The following ACADM variants were observed in gnomAD, a reference collection of about 807,000 sequenced individuals.
The protein encoded by ACADM is acyl-CoA dehydrogenase medium chain.
In ACADM, 49 loss-of-function variants were observed where a neutral mutation model predicts 58.9. The observed-to-expected ratio is 0.83, with a 90% CI of 0.66 to 1.06. ACADM has a LOEUF of 1.06. Among genes scored for constraint, ACADM ranks in the 50% least tolerant of loss-of-function variants. ACADM has a pLI of 0.00. For missense variants in ACADM, 496 were observed against 507.0 expected (o/e 0.98, Z 0.21); for synonymous variants, 160 against 157.7 (o/e 1.01, Z -0.11).
At chr1:75,744,602 A>G in intron 7 of ACADM, 2 of 1,231,970 alleles carry the variant, frequency 1.6e-6, no homozygotes, top group Non-Finnish European at 2.4e-6. Context: ...GTTCTGAAGA[A>G]GCGAACACTG....
chr1:75,730,628 C>G (rs1250878), intron 2 of ACADM, among the ~76,000 whole-genome samples: 140,834 of 151,500 alleles, frequency 0.93, 65,706 homozygotes, highest in African/African-American at 0.98. Flanking sequence ...TGGATTCTCT[C>G]GCCTCAGCTT....
chr1:75,727,472 T>A (rs1570850036), intron 1 of ACADM, among the ~76,000 whole-genome samples: 1 of 152,200 alleles, frequency 6.6e-6, no homozygotes, highest in South Asian at 2.1e-4. Context: ...CCTGAAACCT[T>A]TACTCAAGAA....
intron 1 of ACADM, among the ~76,000 whole-genome samples, chr1:75,727,064 A>G (rs1006005617): frequency 6.6e-6 from 1 of 151,996 alleles, no homozygotes; most frequent in African/African-American, 2.4e-5. Flanking sequence ...CAGCCTCCCA[A>G]AGTGCTGGGA....
intron 11 of ACADM, 133 bp downstream of exon 11, chr1:75,761,503 G>GT (rs1017330504): frequency 7.4e-6 from 7 of 939,788 alleles, no homozygotes; most frequent in Non-Finnish European, 1.2e-5. Flanking sequence ...CTGTGAGCCA[G>GT]TTTTTGGAAT....
intron 10 of ACADM, among the ~76,000 whole-genome samples, chr1:75,756,104 TATC>T (rs1256420200): frequency 1.4e-4 from 22 of 152,242 alleles, no homozygotes; most frequent in Non-Finnish European, 2.9e-4. Context: ...CCACAGCCAA[TATC>T]ATACTGAATG....
intron 7 of ACADM, chr1:75,743,851 A>G: frequency 7.1e-7 from 1 of 1,408,838 alleles, no homozygotes; most frequent in Non-Finnish European, 1.0e-6. Context: ...CCTATATACC[A>G]CCTCTTTGGT....
At chr1:75,745,409 T>A (rs1162177048) in intron 7 of ACADM, 5 of 185,666 alleles carry the variant, frequency 2.7e-5, no homozygotes, top group Admixed American at 1.6e-4. Flanking sequence ...TGGCTTGAGC[T>A]GGGGAAGTCG....
chr1:75,761,249 A>T lies in ACADM; in HGVS notation c.1073A>T (p.Lys358Met), dbSNP rs988752772. ...AATACCTATTATGCTTCTATTGCAAAGGCATTTGCTGGAGATATTGCAAAT... is the reference window on the plus strand; with the variant it reads ...AATACCTATTATGCTTCTATTGCAATGGCATTTGCTGGAGATATTGCAAAT... Reference protein sequence around the residue: ...RRNTYYASIAKAFAGDIANQL... With the variant: ...RRNTYYASIAMAFAGDIANQL... Residue 358 changes from lysine to methionine, a missense_variant, in exon 11 of 12, where the codon AAG becomes ATG. Physicochemically the swap from Lys to Met is moderately conservative, Grantham distance 95. Transcript: ENST00000370841. 5.6e-6 allele frequency: 9 copies of T among 1,614,086 alleles called. No homozygotes were observed. The highest frequency in any genetic ancestry group is 7.6e-6 in the Non-Finnish European group (9 of 1,180,034).
chr1:75,753,370 A>G (rs558394971), intron 10 of ACADM, among the ~76,000 whole-genome samples: 13 of 149,040 alleles, frequency 8.7e-5, no homozygotes, highest in Non-Finnish European at 1.6e-4. Context: ...CAGGATTTAA[A>G]TTCCTTTTTA....
rs535161119 is a variant in ACADM, at chr1:75,736,257, C to CA, written c.468+1389dup. ...TAAGGATTTTTACTTCTTGTTTACT[C>CA]AAACATATTTCAATCTAAGGTGTGG... On this transcript the variant is annotated intron_variant, in intron 6 of 11. Coordinates refer to ENST00000370841, the MANE Select transcript of ACADM (RefSeq NM_000016.6). Among the ~76,000 whole-genome samples the CA allele has an allele frequency of 7.3e-5, 11 of 151,624 alleles. No individual in the cohort carries two copies. In the East Asian group the frequency reaches 2.1e-3, roughly 29 times the overall value.
At chr1:75,746,567 AAAG>A (rs1341268807) in intron 8 of ACADM, among the ~76,000 whole-genome samples, 1 of 151,884 alleles carries the variant, frequency 6.6e-6, no homozygotes, top group African/African-American at 2.4e-5. Flanking sequence ...TAAATTTTAT[AAAG>A]AAGGAAAGAA....
intron 7 of ACADM, among the ~76,000 whole-genome samples, chr1:75,742,017 TA>T (rs1647596003): frequency 6.6e-6 from 1 of 152,232 alleles, no homozygotes; most frequent in Non-Finnish European, 1.5e-5. Context: ...TTTATTTATT[TA>T]TTTTTTTGAG....
intron 1 of ACADM, among the ~76,000 whole-genome samples, chr1:75,725,094 A>C (rs1647029020): frequency 1.3e-5 from 2 of 152,036 alleles, no homozygotes; most frequent in Admixed American, 1.3e-4. Context: ...AAACCCTCCA[A>C]ATATTTACCG....
At chr1:75,757,760 G>A (rs935698650) in intron 10 of ACADM, among the ~76,000 whole-genome samples, 62 of 152,150 alleles carry the variant, frequency 4.1e-4, no homozygotes, top group African/African-American at 1.1e-3. Flanking sequence ...TATGACCAAA[G>A]ATGTAGGAGG....
intron 7 of ACADM, among the ~76,000 whole-genome samples, chr1:75,742,491 C>A (rs1647634481): frequency 6.6e-6 from 1 of 152,204 alleles, no homozygotes; most frequent in South Asian, 2.1e-4. Context: ...GGGCTTACAG[C>A]AACTTACTTG....
At chr1:75,743,652 A>G (rs952631193) in intron 7 of ACADM, 2 of 1,491,304 alleles carry the variant, frequency 1.3e-6, no homozygotes, top group South Asian at 1.1e-5. Context: ...AGCCAAAAAC[A>G]CCTCCATTGC....
At chr1:75,754,209 GTT>G (rs201392684) in intron 10 of ACADM, among the ~76,000 whole-genome samples, 9 of 114,954 alleles carry the variant, frequency 7.8e-5, no homozygotes, top group Non-Finnish European at 1.2e-4. Flanking sequence ...TCAGTTTTTT[GTT>G]TTTTTTTTTT....
chr1:75,758,393 C>T (rs1158072750), intron 10 of ACADM, among the ~76,000 whole-genome samples: 2 of 152,098 alleles, frequency 1.3e-5, no homozygotes, highest in African/African-American at 4.8e-5. Flanking sequence ...TTAAAGGATA[C>T]AGATGAAGAG....
intron 10 of ACADM, among the ~76,000 whole-genome samples, chr1:75,756,228 G>T (rs1648498384): frequency 6.6e-6 from 1 of 152,198 alleles, no homozygotes; most frequent in African/African-American, 2.4e-5. Flanking sequence ...AGTCAGGCAA[G>T]AGAAGGAAAT....
Sources: gnomAD v4.1 joint callset for allele counts (sites outside exome capture counted in the v4.1 genomes callset) on GRCh38, gnomAD v4.1.1 for gene constraint, MANE v1.5 for transcripts, NCBI Gene and HGNC (gene_info 2026-07-23, HGNC 2026-07-21) for gene names.